Variants in CNTN4 observed in about 807,000 individuals in gnomAD.
CNTN4 encodes the protein contactin-4.
A neutral mutation model predicts 122.5 loss-of-function variants in CNTN4; 77 were observed. That is an observed-to-expected ratio of 0.63 (90% confidence interval 0.52 to 0.76). The LOEUF (loss-of-function observed/expected upper bound fraction) is 0.76, where lower values mean the gene tolerates loss of function less well. Among genes scored for constraint, CNTN4 ranks in the 30% least tolerant of loss-of-function variants. CNTN4 has a pLI of 0.00. For synonymous variants in CNTN4, 512 were observed against 447.0 expected (o/e 1.15, Z -1.83); for missense variants, 1,256 against 1,259.1 (o/e 1.00, Z 0.04).
At chr3:2,952,362 A>G (rs557208961) in intron 13 of CNTN4, among the ~76,000 whole-genome samples, 30 of 152,312 alleles carry the variant, frequency 2.0e-4, no homozygotes, top group African/African-American at 6.5e-4. Flanking sequence ...TTTGCCATCT[A>G]TGTAGTCTTG....
At chr3:2,204,238 T>C (rs189091559) in intron 2 of CNTN4, among the ~76,000 whole-genome samples, 1 of 152,308 alleles carries the variant, frequency 6.6e-6, no homozygotes, top group Admixed American at 6.5e-5. Flanking sequence ...TCACATTTCT[T>C]GACATATTCA....
chr3:2,714,977 T>C (rs2087399874), intron 4 of CNTN4, among the ~76,000 whole-genome samples: 1 of 152,218 alleles, frequency 6.6e-6, no homozygotes, highest in Admixed American at 6.5e-5. Flanking sequence ...ATCTGAGATA[T>C]TCAAGTGCTT....
At chr3:2,296,194 G>A (rs1180544464) in intron 2 of CNTN4, among the ~76,000 whole-genome samples, 1 of 152,086 alleles carries the variant, frequency 6.6e-6, no homozygotes, top group Admixed American at 6.5e-5. Context: ...CTTTAAAGTA[G>A]TTTTTTCCAG....
In CNTN4 at chr3:2,699,069, TC is replaced by T. The variant is rs148138801; in HGVS notation, c.56-37143del. 7.7e-3 allele frequency among the ~76,000 whole-genome samples: 1,171 copies of T among 152,184 alleles called. 8 individuals are homozygous for T. Among genetic ancestry groups the T allele is most frequent in the Non-Finnish European group, 0.012 (808 of 68,008 alleles). ...GATTGTTAGATTGTTAGTATACCTG[TC>T]CCAGGTATTTTATTTCTAATTGGGA... On this transcript the variant is annotated intron_variant, in intron 4 of 24. Transcript: ENST00000418658.
chr3:2,417,574 A>C (rs552554243), intron 3 of CNTN4, among the ~76,000 whole-genome samples: 4 of 152,338 alleles, frequency 2.6e-5, no homozygotes, highest in African/African-American at 9.6e-5. Context: ...AAATGAGATT[A>C]GAACCTTCAA....
chr3:2,939,386 TG>T (rs2094593370), intron 13 of CNTN4, among the ~76,000 whole-genome samples: 1 of 152,048 alleles, frequency 6.6e-6, no homozygotes, highest in African/African-American at 2.4e-5. Flanking sequence ...TGGGGGGGTA[TG>T]GGCATGGGTG....
At chr3:2,172,911 G>T (rs940866178) in intron 2 of CNTN4, among the ~76,000 whole-genome samples, 6 of 152,148 alleles carry the variant, frequency 3.9e-5, no homozygotes, top group Non-Finnish European at 8.8e-5. Context: ...GGCATGTAGG[G>T]GCCAAAAGAG....
At chr3:2,470,351 G>A (rs1575703298) in intron 3 of CNTN4, among the ~76,000 whole-genome samples, 2 of 152,070 alleles carry the variant, frequency 1.3e-5, no homozygotes, top group Non-Finnish European at 2.9e-5. Context: ...CTGGGATTAC[G>A]GGTGTGAGCC....
At chr3:2,694,427 A>C (rs2085908709) in intron 4 of CNTN4, among the ~76,000 whole-genome samples, 1 of 152,152 alleles carries the variant, frequency 6.6e-6, no homozygotes, top group South Asian at 2.1e-4. Flanking sequence ...CATTCCCAGA[A>C]ATCATAAAGG....
intron 2 of CNTN4, among the ~76,000 whole-genome samples, chr3:2,170,347 G>C (rs1406228725): frequency 6.6e-6 from 1 of 151,812 alleles, no homozygotes; most frequent in Non-Finnish European, 1.5e-5. Context: ...ACAACAAAAA[G>C]AGGAATAATA....
chr3:2,631,860 C>G (rs1275790725), intron 4 of CNTN4, among the ~76,000 whole-genome samples: 1 of 101,842 alleles, frequency 9.8e-6, no homozygotes, highest in Non-Finnish European at 2.0e-5. Flanking sequence ...GAGACCGTAT[C>G]TCTACAAAAA....
At chr3:2,981,431 G>C (rs13099325) in intron 13 of CNTN4, among the ~76,000 whole-genome samples, 30,800 of 151,494 alleles carry the variant, frequency 0.2, 3,371 homozygotes, top group Non-Finnish European at 0.25. Flanking sequence ...GCGACAGAGC[G>C]AGACTCCGTC....
At chr3:2,621,331 A>G (rs1464698010) in intron 4 of CNTN4, among the ~76,000 whole-genome samples, 1 of 152,160 alleles carries the variant, frequency 6.6e-6, no homozygotes, top group Non-Finnish European at 1.5e-5. Flanking sequence ...GATGTGTTCT[A>G]CTTCATCTGA....
rs2094874124 is a variant in CNTN4 at position 2,962,694 on chromosome 3, G to A, written c.1359-25651G>A. Among the ~76,000 whole-genome samples the A allele has an allele frequency of 2.0e-5, 3 of 152,200 alleles. No individual in the cohort carries two copies. The South Asian group carries it at 6.2e-4, about 32-fold the overall frequency. On this transcript the variant is annotated intron_variant, in intron 13 of 24. Transcript: ENST00000418658. The stretch of plus-strand genomic sequence containing the variant: ...TGTAGCTTTGGTTGTAAGACACAGG[G>A]AAAGGGAGGGCCTCTGACCACAGCC...
At chr3:2,721,251 C>A (rs1240678451) in intron 4 of CNTN4, among the ~76,000 whole-genome samples, 1 of 152,122 alleles carries the variant, frequency 6.6e-6, no homozygotes, top group Non-Finnish European at 1.5e-5. Context: ...GGATTACAGA[C>A]GTGAGCCACC....
intron 3 of CNTN4, among the ~76,000 whole-genome samples, chr3:2,412,197 C>T (rs576898058): frequency 4.6e-5 from 7 of 151,946 alleles, no homozygotes; most frequent in South Asian, 4.1e-4. Context: ...ATGAATATAT[C>T]GCAATCTCTT....
At chr3:2,465,863 A>T (rs1362939766) in intron 3 of CNTN4, among the ~76,000 whole-genome samples, 1 of 152,170 alleles carries the variant, frequency 6.6e-6, no homozygotes, top group Non-Finnish European at 1.5e-5. Context: ...GTTTACTGAG[A>T]TAATTTACAT....
intron 3 of CNTN4, among the ~76,000 whole-genome samples, chr3:2,512,393 A>C (rs1047110824): frequency 6.6e-6 from 1 of 152,178 alleles, no homozygotes; most frequent in African/African-American, 2.4e-5. Context: ...AATTTGGTTC[A>C]TTTATCTTTT....
At chr3:2,173,839 A>T (rs2036620783) in intron 2 of CNTN4, among the ~76,000 whole-genome samples, 1 of 152,206 alleles carries the variant, frequency 6.6e-6, no homozygotes, top group Admixed American at 6.5e-5. Flanking sequence ...AAAAGAACTA[A>T]AGGAAAAAAT....
Sources: gnomAD v4.1 joint callset for allele counts (sites outside exome capture counted in the v4.1 genomes callset) on GRCh38, gnomAD v4.1.1 for gene constraint, MANE v1.5 for transcripts, NCBI Gene and HGNC (gene_info 2026-07-23, HGNC 2026-07-21) for gene names.